Variants in GALNT13 observed in about 807,000 individuals in gnomAD.
The protein encoded by GALNT13 is UDP-GalNAc:polypeptide N-acetylgalactosaminyltransferase 13.
GALNT13 carries 28 observed loss-of-function variants against 64.2 expected under a neutral mutation model. The ratio of observed to expected loss-of-function variants is 0.44; its 90% confidence interval spans 0.32 to 0.60. The LOEUF is 0.60. GALNT13 is among the 20% of genes least tolerant of loss of function. GALNT13 has a pLI of 0.05. For missense variants in GALNT13, 577 were observed against 669.8 expected, an observed-to-expected ratio of 0.86 and a Z score of 1.53; for synonymous variants, 214 against 224.6, an observed-to-expected ratio of 0.95 and a Z score of 0.42.
intron 4 of GALNT13, among the ~76,000 whole-genome samples, chr2:154,225,701 A>G (rs1299333697): frequency 6.6e-6 from 1 of 152,142 alleles, no homozygotes; most frequent in African/African-American, 2.4e-5. Flanking sequence ...TTTACGTGAT[A>G]TGGAAGCCTT....
At chr2:154,017,404 A>C (rs568659453) in intron 3 of GALNT13, among the ~76,000 whole-genome samples, 1 of 152,156 alleles carries the variant, frequency 6.6e-6, no homozygotes, top group South Asian at 2.1e-4. Flanking sequence ...GTCAAAATCC[A>C]CTCTCTTCCT....
the GALNT13 span, among the ~76,000 whole-genome samples, chr2:153,679,392 T>C: frequency 2.0e-5 from 3 of 152,002 alleles, no homozygotes; most frequent in Admixed American, 2.0e-4. Flanking sequence ...GACTTGTGTT[T>C]CTCCTCTGTC....
intron 3 of GALNT13, among the ~76,000 whole-genome samples, chr2:154,018,684 G>A (rs964649331): frequency 2.6e-5 from 4 of 151,636 alleles, no homozygotes; most frequent in Non-Finnish European, 5.9e-5. Context: ...GGCTGAGGGA[G>A]ATGGTGAGAG....
the GALNT13 span, among the ~76,000 whole-genome samples, chr2:153,643,389 A>T: frequency 1.3e-5 from 2 of 151,520 alleles, no homozygotes; most frequent in Non-Finnish European, 3.0e-5. Flanking sequence ...ACAAACATTA[A>T]AATAGTACAT....
the GALNT13 span, among the ~76,000 whole-genome samples, chr2:153,644,535 T>G: frequency 6.6e-6 from 1 of 152,060 alleles, no homozygotes; most frequent in South Asian, 2.1e-4. Context: ...GGATTTTTGT[T>G]TTTTCTCGTG....
the GALNT13 span, among the ~76,000 whole-genome samples, chr2:153,554,175 A>T: frequency 1.3e-5 from 2 of 151,622 alleles, no homozygotes; most frequent in African/African-American, 2.4e-5. Flanking sequence ...AAAAAAAAAA[A>T]AATTAGCCAG....
At chr2:154,279,669 T>G (rs1691851592) in intron 8 of GALNT13, among the ~76,000 whole-genome samples, 1 of 152,150 alleles carries the variant, frequency 6.6e-6, no homozygotes, top group Non-Finnish European at 1.5e-5. Flanking sequence ...AGAAATAAAC[T>G]TTGCACTCCC....
At chr2:153,141,944 A>G in the GALNT13 span, among the ~76,000 whole-genome samples, 1 of 152,066 alleles carries the variant, frequency 6.6e-6, no homozygotes, top group Non-Finnish European at 1.5e-5. Flanking sequence ...AATGAACCAA[A>G]AATATCAAGC....
At chr2:153,131,664 T>C in the GALNT13 span, among the ~76,000 whole-genome samples, 6 of 152,178 alleles carry the variant, frequency 3.9e-5, no homozygotes, top group Admixed American at 3.9e-4. Flanking sequence ...AATAAATCCA[T>C]CTGTTAGCTT....
chr2:153,786,413 C>T, the GALNT13 span, among the ~76,000 whole-genome samples: 466 of 152,220 alleles, frequency 3.1e-3, 4 homozygotes, highest in African/African-American at 0.011. Context: ...TCACCCTACA[C>T]GGCTGAGCAT....
the GALNT13 span, among the ~76,000 whole-genome samples, chr2:153,216,120 A>T: frequency 3.3e-5 from 5 of 152,064 alleles, no homozygotes; most frequent in African/African-American, 1.2e-4. Context: ...AACAAAGTCC[A>T]TTGAGATTCA....
the GALNT13 span, among the ~76,000 whole-genome samples, chr2:153,535,887 G>T: frequency 6.6e-6 from 1 of 152,062 alleles, no homozygotes; most frequent in Non-Finnish European, 1.5e-5. Flanking sequence ...CTAAACTGAG[G>T]ACTTAAGTCT....
the GALNT13 span, among the ~76,000 whole-genome samples, chr2:153,536,765 C>G: frequency 3.3e-5 from 5 of 152,032 alleles, no homozygotes; most frequent in African/African-American, 1.2e-4. Context: ...ACCTGTAAAT[C>G]AGAAATTTTA....
chr2:153,267,396 T>A, the GALNT13 span, among the ~76,000 whole-genome samples: 1 of 152,208 alleles, frequency 6.6e-6, no homozygotes, highest in Non-Finnish European at 1.5e-5. Flanking sequence ...CATACAGGTG[T>A]TTCCATACAT....
the GALNT13 span, among the ~76,000 whole-genome samples, chr2:153,638,595 A>G: frequency 4.7e-5 from 1 of 21,134 alleles, no homozygotes; most frequent in African/African-American, 1.0e-4. Flanking sequence ...ACACAAGGAG[A>G]AGGAGTGATT....
the GALNT13 span, among the ~76,000 whole-genome samples, chr2:153,483,513 T>C: frequency 6.8e-6 from 1 of 147,468 alleles, no homozygotes; most frequent in African/African-American, 2.5e-5. Context: ...GCCTCCAGGG[T>C]TCAAGCAATT....
intron 4 of GALNT13, among the ~76,000 whole-genome samples, chr2:154,148,441 A>T: frequency 6.6e-6 from 1 of 152,210 alleles, no homozygotes; most frequent in Non-Finnish European, 1.5e-5. Context: ...GTATATAACC[A>T]GTAATGGGAT....
At chr2:154,250,727 A>T (rs367908992) in intron 7 of GALNT13, among the ~76,000 whole-genome samples, 1 of 152,230 alleles carries the variant, frequency 6.6e-6, no homozygotes, top group South Asian at 2.1e-4. Context: ...GTAGTAACAA[A>T]TAATTTACTT....
At chr2:154,114,161 T>G (rs2105498453) in intron 3 of GALNT13, among the ~76,000 whole-genome samples, 1 of 152,264 alleles carries the variant, frequency 6.6e-6, no homozygotes, top group South Asian at 2.1e-4. Flanking sequence ...TGCAATATTG[T>G]TTTTTATTTA....
Sources: allele counts gnomAD v4.1 joint callset (sites outside exome capture counted in the v4.1 genomes callset), GRCh38; gene constraint gnomAD v4.1.1; transcripts MANE v1.5; gene names NCBI Gene and HGNC (gene_info 2026-07-23, HGNC 2026-07-21).